DHX33: variants seen among roughly 807,000 people sequenced by gnomAD.
DHX33 encodes DEAH-box helicase 33, also known as ATP-dependent RNA helicase DHX33.
Under a neutral mutation model 72.5 loss-of-function variants are expected in DHX33, and 42 were observed. The observed-to-expected ratio is 0.58, with a 90% CI of 0.45 to 0.75. The LOEUF (loss-of-function observed/expected upper bound fraction) is 0.75, where lower values mean the gene tolerates loss of function less well. Among genes scored for constraint, DHX33 ranks in the 30% least tolerant of loss-of-function variants. The pLI is 0.00. For synonymous variants in DHX33, 358 were observed against 366.1 expected (o/e 0.98, Z 0.25); for missense variants, 842 against 917.5 (o/e 0.92, Z 1.06).
intron 9 of DHX33, 40 bp downstream of exon 9, chr17:5,450,767 T>C: frequency 6.2e-7 from 1 of 1,613,658 alleles, no homozygotes; most frequent in East Asian, 2.2e-5. Context: ...CGGTTAACTG[T>C]AATGTACAGA....
chr17:5,463,738 G>C (rs761839788), intron 1 of DHX33, 49 bp from the exon 2 acceptor site: 1 of 1,533,736 alleles, frequency 6.5e-7, no homozygotes, highest in Non-Finnish European at 8.8e-7. Context: ...ATGCAAACTG[G>C]GGCTCGGCAC....
chr17:5,455,875 T>A, intron 5 of DHX33, 122 bp downstream of exon 5: 1 of 1,078,042 alleles, frequency 9.3e-7, no homozygotes, highest in Non-Finnish European at 1.3e-6. Flanking sequence ...AGTGCGCTGA[T>A]CTGGCACCTG....
At chr17:5,448,366 A>C (rs1002837207) in intron 11 of DHX33, among the ~76,000 whole-genome samples, 70 of 152,340 alleles carry the variant, frequency 4.6e-4, no homozygotes, top group African/African-American at 1.7e-3. Flanking sequence ...GAGCTACCCC[A>C]AACTGTTAAC....
At position 5,443,557 on chromosome 17, in the gene DHX33, C is replaced by T. The variant is rs1916514052; in HGVS notation, c.*648G>A. On this transcript the variant is annotated 3_prime_UTR_variant, in exon 12 of 12. Transcript: ENST00000225296. ...ACACAGAGTGGTCCACCCTGAGACA[C>T]AAGCGTTCAGTAGGGATCGCCATCC... 1 of 152,214 alleles carries T rather than the reference C, an allele frequency of 6.6e-6. No individual in the cohort carries two copies. Among genetic ancestry groups the T allele is most frequent in the Non-Finnish European group, 1.5e-5 (1 of 68,154 alleles). The allele number at this position is 152,214 out of a possible 1,614,324, so 9.4% of individuals were successfully genotyped here. A position where few individuals can be genotyped will look rare whatever the true frequency, so the allele number is the denominator to read the frequency against.
In DHX33 at chr17:5,455,375, C is replaced by T; in HGVS notation, c.1036-104G>A. Reference sequence around the variant, plus strand: ...ACTTCCACAATTCACTCTTGACCAACAGAAGATGACTCCATTATTAATGGC... The same window carrying T: ...ACTTCCACAATTCACTCTTGACCAATAGAAGATGACTCCATTATTAATGGC... On this transcript the variant is annotated intron_variant, in intron 5 of 11. Transcript: ENST00000225296. 3 of 898,472 alleles carry T rather than the reference C, an allele frequency of 3.3e-6. No homozygotes were observed. The South Asian group carries it at 4.5e-5, about 13-fold the overall frequency. The allele number at this position is 898,472 out of a possible 1,614,324, so 55.7% of individuals were successfully genotyped here. A position where few individuals can be genotyped will look rare whatever the true frequency, so the allele number is the denominator to read the frequency against.
intron 4 of DHX33, 127 bp downstream of exon 4, chr17:5,460,812 A>T (rs1904563146): frequency 8.4e-7 from 1 of 1,190,842 alleles, no homozygotes; most frequent in African/African-American, 1.5e-5. Flanking sequence ...TGGCCTCCTT[A>T]TTCATCTTGA....
intron 4 of DHX33, among the ~76,000 whole-genome samples, chr17:5,458,417 G>A (rs1249230685): frequency 1.3e-5 from 2 of 152,048 alleles, no homozygotes; most frequent in African/African-American, 4.8e-5. Flanking sequence ...AGCAATGTGT[G>A]GTCATAATAT....
rs1485104260 is a variant in DHX33, at chr17:5,457,705, T to A, written c.850-1523A>T. Among the ~76,000 whole-genome samples, 5 of 152,114 alleles carry A rather than the reference T, an allele frequency of 3.3e-5. No individual in the cohort carries two copies. The East Asian group carries it at 9.6e-4, about 29-fold the overall frequency. ...TATATATGTAAAAATACGTATTTTTTAATATGTATTTTTTTTCAGCCCAGT... is the reference window on the plus strand; with the variant it reads ...TATATATGTAAAAATACGTATTTTTAAATATGTATTTTTTTTCAGCCCAGT... On this transcript the variant is annotated intron_variant, in intron 4 of 11. Coordinates refer to ENST00000225296, the MANE Select transcript of DHX33 (RefSeq NM_020162.4).
At chr17:5,454,850 T>C (rs1458069678) in intron 6 of DHX33, among the ~76,000 whole-genome samples, 5 of 152,184 alleles carry the variant, frequency 3.3e-5, no homozygotes, top group African/African-American at 1.2e-4. Context: ...CACCCTTTGA[T>C]TGACACCCAG....
In DHX33 at chr17:5,462,457, A is replaced by C; in HGVS notation, c.540T>G (p.Ile180Met). ...TGTATTTCCGAAGCAAAGAGTCTGA[A>C]ATTGCTTCACGCAGAAGCATGCCAT... is the stretch of plus-strand genomic sequence containing the variant. ...LTDGMLLREA[I>M]SDSLLRKYSC... Residue 180 changes from isoleucine (I) to methionine (M), a missense_variant, in exon 3 of 12, where the codon ATT (isoleucine) becomes ATG (methionine). Coordinates refer to ENST00000225296, the MANE Select transcript of DHX33 (RefSeq NM_020162.4). 1 of 1,614,184 alleles carries C rather than the reference A, an allele frequency of 6.2e-7. No homozygotes were observed. The highest frequency in any genetic ancestry group is 8.5e-7 in the Non-Finnish European group (1 of 1,180,006).
rs1443666174 is a variant in DHX33 at position 5,443,403 on chromosome 17, T to C, written c.*802A>G. 1.3e-5 allele frequency: 2 copies of C among 152,206 alleles called. No homozygotes were observed. The highest frequency in any genetic ancestry group is 4.8e-5 in the African/African-American group (2 of 41,422). 9.4% of individuals were successfully genotyped at this position (152,206 alleles called of 1,614,324 possible). A position where few individuals can be genotyped will look rare whatever the true frequency, so the allele number is the denominator to read the frequency against. On this transcript the variant is annotated 3_prime_UTR_variant, in exon 12 of 12. Coordinates refer to ENST00000225296, the MANE Select transcript of DHX33 (RefSeq NM_020162.4). ...CACTGATAGGTCAGTTTCCCATGTC[T>C]ACACGTGACAGGATTCAGAAGGTAC...
At position 5,463,803 on chromosome 17, in the gene DHX33, T is replaced by C. The variant is rs1162374294; in HGVS notation, c.290-114A>G. On this transcript the variant is annotated intron_variant, in intron 1 of 11. Coordinates refer to ENST00000225296, the MANE Select transcript of DHX33 (RefSeq NM_020162.4). ...TGGGAGGCCGAGGTAGGAGGCTCTC[T>C]TGAGCCCAGGAGTTCAAAATCAGCC... 4 of 1,048,028 alleles carry C rather than the reference T, an allele frequency of 3.8e-6. No homozygotes were observed. The African/African-American group carries it at 4.9e-5, about 13-fold the overall frequency. 64.9% of individuals were successfully genotyped at this position (1,048,028 alleles called of 1,614,324 possible). A position where few individuals can be genotyped will look rare whatever the true frequency, so the allele number is the denominator to read the frequency against.
chr17:5,451,260 C>T (rs979904926), intron 8 of DHX33, among the ~76,000 whole-genome samples: 1 of 152,226 alleles, frequency 6.6e-6, no homozygotes, highest in South Asian at 2.1e-4. Context: ...CGCCCACCAC[C>T]GCGCCCAGCT....
chr17:5,460,806 C>T (rs980140060), intron 4 of DHX33, 133 bp downstream of exon 4: 2 of 1,124,124 alleles, frequency 1.8e-6, no homozygotes, highest in Non-Finnish European at 2.5e-6. Flanking sequence ...CGCACCTGGC[C>T]TCCTTATTCA....
At position 5,467,418 on chromosome 17, in the gene DHX33, T is replaced by G. The variant is rs1303036376; in HGVS notation, c.289+1153A>C. The stretch of plus-strand genomic sequence containing the variant: ...CCTTTTTATAACTATAGGGTCTGGA[T>G]TGACAAAGCAGGAACATCACCATCT... On this transcript the variant is annotated intron_variant, in intron 1 of 11. Coordinates refer to ENST00000225296, the MANE Select transcript of DHX33 (RefSeq NM_020162.4). Among the ~76,000 whole-genome samples, 3 of 152,074 alleles carry G rather than the reference T, an allele frequency of 2.0e-5. No homozygotes were observed. The South Asian group carries it at 6.2e-4, about 32-fold the overall frequency.
At chr17:5,461,628 C>T (rs1246212999) in intron 3 of DHX33, among the ~76,000 whole-genome samples, 2 of 149,914 alleles carry the variant, frequency 1.3e-5, no homozygotes, top group African/African-American at 4.9e-5. Flanking sequence ...AAAATCAAGA[C>T]GGAATTTCAG....
At chr17:5,446,224 T>G (rs1297667652) in intron 11 of DHX33, among the ~76,000 whole-genome samples, 2 of 152,136 alleles carry the variant, frequency 1.3e-5, no homozygotes, top group Non-Finnish European at 2.9e-5. Flanking sequence ...ATCCACCTGC[T>G]TGGGCCTCCC....
chr17:5,461,936 CTTTTTTTTT>C (rs35332211), intron 3 of DHX33, among the ~76,000 whole-genome samples: 4 of 113,698 alleles, frequency 3.5e-5, no homozygotes, highest in Non-Finnish European at 6.9e-5. Context: ...TGAACTTTCA[CTTTTTTTTT>C]TTTTTTTTTT....
In DHX33 at chr17:5,444,913, A is replaced by C. The variant is rs1442424925; in HGVS notation, c.1816-400T>G. Among the ~76,000 whole-genome samples the C allele has an allele frequency of 6.6e-6, 1 of 152,158 alleles. No homozygotes were observed. Among genetic ancestry groups the C allele is most frequent in the Non-Finnish European group, 1.5e-5 (1 of 68,024 alleles). On this transcript the variant is annotated intron_variant, in intron 11 of 11. Coordinates refer to ENST00000225296, the MANE Select transcript of DHX33 (RefSeq NM_020162.4). The surrounding 1 kb of genome is among the most constrained non-coding windows in gnomAD (Gnocchi z 4.9). ...CCGATTCACCCACCTGCTGCTGCCAAGCTAATCTACCTAAAGCACAACTCG... is the reference window on the plus strand; with the variant it reads ...CCGATTCACCCACCTGCTGCTGCCACGCTAATCTACCTAAAGCACAACTCG...
Sources: gnomAD v4.1 joint callset for allele counts (sites outside exome capture counted in the v4.1 genomes callset) on GRCh38, gnomAD v4.1.1 for gene constraint, Gnocchi (gnomAD v3.1) non-coding constraint, MANE v1.5 for transcripts, NCBI Gene and HGNC (gene_info 2026-07-23, HGNC 2026-07-21) for gene names.